The following KCTD8 variants were observed in gnomAD, a reference collection of about 807,000 sequenced individuals.
KCTD8 encodes the protein BTB/POZ domain-containing protein KCTD8.
Under a neutral mutation model 31.5 loss-of-function variants are expected in KCTD8, and 27 were observed. The ratio of observed to expected loss-of-function variants is 0.86; its 90% confidence interval spans 0.63 to 1.18. The LOEUF (loss-of-function observed/expected upper bound fraction) is 1.18, where lower values mean the gene tolerates loss of function less well. KCTD8 is among the 50% of genes most tolerant of loss of function. The probability of loss-of-function intolerance (pLI) is 0.00; values close to 1 mark genes in which losing one functional copy is unlikely to be tolerated. For synonymous variants in KCTD8, 290 were observed against 280.0 expected (o/e 1.04, Z -0.36); for missense variants, 658 against 647.7 (o/e 1.02, Z -0.17).
At chr4:44,424,418 C>A (rs1203939533) in intron 1 of KCTD8, among the ~76,000 whole-genome samples, 2 of 152,044 alleles carry the variant, frequency 1.3e-5, no homozygotes, top group African/African-American at 4.8e-5. Context: ...CAGCCATTTT[C>A]TTTTCTCTGT....
intron 1 of KCTD8, among the ~76,000 whole-genome samples, chr4:44,277,139 G>A (rs1716773346): frequency 6.6e-6 from 1 of 151,794 alleles, no homozygotes. Flanking sequence ...TAATATTCAT[G>A]CTAGAAGACA....
At chr4:44,395,052 C>G (rs1386043319) in intron 1 of KCTD8, among the ~76,000 whole-genome samples, 1 of 152,044 alleles carries the variant, frequency 6.6e-6, no homozygotes, top group Admixed American at 6.6e-5. Flanking sequence ...TCTAGATTTC[C>G]CTTTGTAATG....
At chr4:44,193,978 T>C (rs1713851844) in intron 1 of KCTD8, among the ~76,000 whole-genome samples, 1 of 152,114 alleles carries the variant, frequency 6.6e-6, no homozygotes, top group Non-Finnish European at 1.5e-5. Flanking sequence ...ATAGATGAGA[T>C]GTAGAGGGAA....
chr4:44,349,065 G>GCCGCCA (rs1439470090), intron 1 of KCTD8, among the ~76,000 whole-genome samples: 1 of 107,828 alleles, frequency 9.3e-6, no homozygotes, highest in African/African-American at 3.2e-5. Context: ...CACCATCGCT[G>GCCGCCA]CCACCGCCAC....
At chr4:44,286,573 G>T (rs764287777) in intron 1 of KCTD8, among the ~76,000 whole-genome samples, 37 of 152,028 alleles carry the variant, frequency 2.4e-4, no homozygotes, top group Non-Finnish European at 4.0e-4. Flanking sequence ...GCCCAATGTA[G>T]CTGGGCATGT....
intron 1 of KCTD8, among the ~76,000 whole-genome samples, chr4:44,413,391 G>T (rs1721002608): frequency 6.6e-6 from 1 of 152,114 alleles, no homozygotes; most frequent in Non-Finnish European, 1.5e-5. Context: ...CTTTGGAAAA[G>T]AAATCCCTGT....
At chr4:44,348,176 A>G (rs1411585104) in intron 1 of KCTD8, among the ~76,000 whole-genome samples, 1 of 152,202 alleles carries the variant, frequency 6.6e-6, no homozygotes, top group East Asian at 1.9e-4. Flanking sequence ...CGGTAAAGAC[A>G]TTGTAGGTCA....
At chr4:44,176,403 A>T (rs1713215693) in intron 1 of KCTD8, among the ~76,000 whole-genome samples, 1 of 152,184 alleles carries the variant, frequency 6.6e-6, no homozygotes, top group Non-Finnish European at 1.5e-5. Context: ...ATGGGGTGCC[A>T]CCTGGCCATC....
chr4:44,391,067 T>A (rs1447006332), intron 1 of KCTD8, among the ~76,000 whole-genome samples: 1 of 151,908 alleles, frequency 6.6e-6, no homozygotes, highest in African/African-American at 2.4e-5. Flanking sequence ...CTAAGTGAAG[T>A]AACTCAGGAA....
chr4:44,358,227 C>T (rs1343693215), intron 1 of KCTD8, among the ~76,000 whole-genome samples: 1 of 152,134 alleles, frequency 6.6e-6, no homozygotes, highest in Admixed American at 6.6e-5. Flanking sequence ...GACATGAACT[C>T]ATCCTTTTTT....
At chr4:44,373,947 T>A (rs1368721177) in intron 1 of KCTD8, among the ~76,000 whole-genome samples, 1 of 152,216 alleles carries the variant, frequency 6.6e-6, no homozygotes, top group Non-Finnish European at 1.5e-5. Flanking sequence ...AAGATCGGCT[T>A]AGTTAAAAAC....
intron 1 of KCTD8, among the ~76,000 whole-genome samples, chr4:44,216,844 A>G (rs1250854985): frequency 2.6e-5 from 4 of 152,226 alleles, no homozygotes; most frequent in Non-Finnish European, 5.9e-5. Context: ...CGCATGAGAC[A>G]GACGGCATAT....
intron 1 of KCTD8, among the ~76,000 whole-genome samples, chr4:44,439,793 A>C (rs1721770073): frequency 6.6e-6 from 1 of 152,054 alleles, no homozygotes; most frequent in Admixed American, 6.6e-5. Context: ...CAAGTACTTA[A>C]CACTACCTAT....
intron 1 of KCTD8, among the ~76,000 whole-genome samples, chr4:44,323,201 T>C (rs1273787335): frequency 1.3e-5 from 2 of 151,946 alleles, no homozygotes; most frequent in South Asian, 4.1e-4. Flanking sequence ...TATTTTCATA[T>C]AATAACATGT....
At chr4:44,276,603 A>T (rs1386888448) in intron 1 of KCTD8, among the ~76,000 whole-genome samples, 1 of 151,970 alleles carries the variant, frequency 6.6e-6, no homozygotes, top group Non-Finnish European at 1.5e-5. Flanking sequence ...GAATCACCTG[A>T]ACTCTATCAT....
chr4:44,340,953 A>T (rs183432241), intron 1 of KCTD8, among the ~76,000 whole-genome samples: 3 of 151,842 alleles, frequency 2.0e-5, no homozygotes, highest in African/African-American at 7.2e-5. Flanking sequence ...AACATATATA[A>T]AATGTTTATA....
chr4:44,266,167 G>C (rs889278270), intron 1 of KCTD8, among the ~76,000 whole-genome samples: 18 of 152,164 alleles, frequency 1.2e-4, no homozygotes, highest in Non-Finnish European at 2.4e-4. Flanking sequence ...CCCACAAAGG[G>C]AAGCCCATCA....
chr4:44,323,892 C>T (rs1326716884), intron 1 of KCTD8, among the ~76,000 whole-genome samples: 1 of 151,710 alleles, frequency 6.6e-6, no homozygotes, highest in Non-Finnish European at 1.5e-5. Context: ...CAATAATGAG[C>T]CATTATAGAC....
chr4:44,431,945 G>C (rs1721516636), intron 1 of KCTD8, among the ~76,000 whole-genome samples: 1 of 151,558 alleles, frequency 6.6e-6, no homozygotes, highest in Admixed American at 6.6e-5. Flanking sequence ...GGCTTCCCTA[G>C]ACAAAATTAT....
Sources: gnomAD v4.1 joint callset for allele counts (sites outside exome capture counted in the v4.1 genomes callset) on GRCh38, gnomAD v4.1.1 for gene constraint, MANE v1.5 for transcripts, NCBI Gene and HGNC (gene_info 2026-07-23, HGNC 2026-07-21) for gene names.